Variants in LHFPL3 observed in about 807,000 individuals in gnomAD.
The protein encoded by LHFPL3 is LHFPL tetraspan subfamily member 3, also known as LHFPL tetraspan subfamily member 3 protein.
LHFPL3 carries 5 observed loss-of-function variants against 19.3 expected under a neutral mutation model. That is an observed-to-expected ratio of 0.26 (90% CI 0.14 to 0.54). The LOEUF is 0.54. LHFPL3 is among the 20% of genes least tolerant of loss of function. The pLI is 0.94. For missense variants in LHFPL3, 249 were observed against 307.4 expected (o/e 0.81, Z 1.42); for synonymous variants, 133 against 126.2 (o/e 1.05, Z -0.36).
chr7:104,565,888 T>C (rs1000440504), intron 1 of LHFPL3, among the ~76,000 whole-genome samples: 5 of 152,072 alleles, frequency 3.3e-5, no homozygotes, highest in Non-Finnish European at 5.9e-5. Context: ...GGAGTAACCA[T>C]TGTTAAGTGA....
At chr7:104,775,584 T>C (rs1300816964) in intron 2 of LHFPL3, among the ~76,000 whole-genome samples, 2 of 152,246 alleles carry the variant, frequency 1.3e-5, no homozygotes, top group African/African-American at 4.8e-5. Flanking sequence ...AGAAACACTA[T>C]AGAGAATATG....
chr7:104,612,298 A>G (rs1461026505), intron 1 of LHFPL3, among the ~76,000 whole-genome samples: 1 of 152,204 alleles, frequency 6.6e-6, no homozygotes, highest in Non-Finnish European at 1.5e-5. Context: ...GATTATAGCC[A>G]TCTCCTAGGT....
At chr7:104,834,616 A>G (rs1791056068) in intron 2 of LHFPL3, among the ~76,000 whole-genome samples, 1 of 152,046 alleles carries the variant, frequency 6.6e-6, no homozygotes, top group Non-Finnish European at 1.5e-5. Context: ...ACACATACAA[A>G]GGAGGGATGG....
chr7:104,474,687 C>CAAAAAAAAAAAAAAAAAAAAAAA (rs928431129), intron 1 of LHFPL3, among the ~76,000 whole-genome samples: 1 of 41,048 alleles, frequency 2.4e-5, no homozygotes, highest in Non-Finnish European at 5.4e-5. Flanking sequence ...ACAACAACAA[C>CAAAAAAAAAAAAAAAAAAAAAAA]AAAAAAAAAA....
intron 2 of LHFPL3, among the ~76,000 whole-genome samples, chr7:104,820,743 C>A (rs931070701): frequency 4.6e-5 from 7 of 152,136 alleles, no homozygotes; most frequent in African/African-American, 1.7e-4. Context: ...GACACCTTAA[C>A]CACCCCCCCA....
intron 1 of LHFPL3, among the ~76,000 whole-genome samples, chr7:104,468,750 G>A (rs529825259): frequency 1.9e-4 from 28 of 149,200 alleles, no homozygotes; most frequent in African/African-American, 6.2e-4. Context: ...CCTCCACCTC[G>A]CGGGTTCAAG....
At chr7:104,601,207 G>A (rs189855168) in intron 1 of LHFPL3, among the ~76,000 whole-genome samples, 25 of 152,294 alleles carry the variant, frequency 1.6e-4, no homozygotes, top group Non-Finnish European at 3.7e-4. Context: ...GAATCTGCTG[G>A]AAGATGAAGG....
chr7:104,774,051 G>A (rs1794603307), intron 2 of LHFPL3, among the ~76,000 whole-genome samples: 1 of 152,208 alleles, frequency 6.6e-6, no homozygotes, highest in African/African-American at 2.4e-5. Context: ...CAGGCCTCCT[G>A]GCCTTTTAAA....
At chr7:104,510,388 A>C (rs538944003) in intron 1 of LHFPL3, among the ~76,000 whole-genome samples, 2 of 152,128 alleles carry the variant, frequency 1.3e-5, no homozygotes, top group African/African-American at 4.8e-5. Context: ...AGACACACAG[A>C]TCAATGGAAC....
intron 2 of LHFPL3, among the ~76,000 whole-genome samples, chr7:104,852,549 G>C (rs1320975821): frequency 6.6e-6 from 1 of 152,212 alleles, no homozygotes; most frequent in African/African-American, 2.4e-5. Context: ...ATGCTGGCAG[G>C]AAGCTCTGAC....
chr7:104,668,485 A>G lies in LHFPL3; in HGVS notation c.446-68190A>G, dbSNP rs997328729. 16 of 1,612,768 alleles carry G rather than the reference A, an allele frequency of 9.9e-6. No individual in the cohort carries two copies. In the African/African-American group the frequency reaches 2.1e-4, roughly 22 times the overall value. On this transcript the variant is annotated intron_variant, in intron 1 of 2. Transcript: ENST00000424859. ...CGGGATGGCCCACGCCGGGATATGG[A>G]TCGATATGGTGGCCGGGATCGCTAT...
chr7:104,699,389 T>C (rs1214921711), intron 1 of LHFPL3, among the ~76,000 whole-genome samples: 1 of 152,216 alleles, frequency 6.6e-6, no homozygotes, highest in African/African-American at 2.4e-5. Context: ...CTTTTACACA[T>C]GCTACAACAT....
chr7:104,675,570 A>G (rs1792574241), intron 1 of LHFPL3, among the ~76,000 whole-genome samples: 1 of 152,200 alleles, frequency 6.6e-6, no homozygotes, highest in African/African-American at 2.4e-5. Flanking sequence ...AGATAAAGCA[A>G]TTAGGAGTCA....
At chr7:104,358,699 G>A (rs773279657) in intron 1 of LHFPL3, among the ~76,000 whole-genome samples, 6 of 152,200 alleles carry the variant, frequency 3.9e-5, no homozygotes, top group Non-Finnish European at 8.8e-5. Context: ...ATGCTGATTG[G>A]GAAGATGATC....
chr7:104,773,284 G>A (rs1370068403), intron 2 of LHFPL3, among the ~76,000 whole-genome samples: 1 of 152,196 alleles, frequency 6.6e-6, no homozygotes, highest in African/African-American at 2.4e-5. Flanking sequence ...TGGGCCCAGT[G>A]AGTTCTGCTC....
At chr7:104,373,918 AC>A (rs1256851091) in intron 1 of LHFPL3, among the ~76,000 whole-genome samples, 2 of 150,094 alleles carry the variant, frequency 1.3e-5, no homozygotes, top group Non-Finnish European at 3.0e-5. Flanking sequence ...TATGGCAAAA[AC>A]AAAAACAAAA....
chr7:104,412,728 A>C (rs1791555007), intron 1 of LHFPL3, among the ~76,000 whole-genome samples: 1 of 152,116 alleles, frequency 6.6e-6, no homozygotes, highest in South Asian at 2.1e-4. Flanking sequence ...TCTCCATTTT[A>C]TACTAGAGAG....
intron 1 of LHFPL3, chr7:104,668,593 G>A (rs903858820): frequency 2.2e-5 from 35 of 1,612,548 alleles, no homozygotes; most frequent in African/African-American, 1.2e-4. Context: ...AGTGGGTATC[G>A]CAGGGATGAT....
chr7:104,336,523 T>G (rs918062355), intron 1 of LHFPL3, among the ~76,000 whole-genome samples: 9 of 148,240 alleles, frequency 6.1e-5, no homozygotes, highest in African/African-American at 2.0e-4. Flanking sequence ...AAAAGAAAAA[T>G]AAGGGGCTTG....
Sources: gnomAD v4.1 joint callset for allele counts (sites outside exome capture counted in the v4.1 genomes callset) on GRCh38, gnomAD v4.1.1 for gene constraint, MANE v1.5 for transcripts, NCBI Gene and HGNC (gene_info 2026-07-23, HGNC 2026-07-21) for gene names.